The following HAUS8 variants were observed in gnomAD, a reference collection of about 807,000 sequenced individuals.
HAUS8 encodes the protein HAUS augmin like complex subunit 8.
A neutral mutation model predicts 42.9 loss-of-function variants in HAUS8; 38 were observed. The observed-to-expected ratio is 0.89, with a 90% CI of 0.68 to 1.16. The LOEUF is 1.16. HAUS8 is among the 50% of genes most tolerant of loss of function. The pLI, the probability that HAUS8 is intolerant of heterozygous loss-of-function variation, is 0.00. For synonymous variants in HAUS8, 199 were observed against 205.8 expected (o/e 0.97, Z 0.28); for missense variants, 494 against 511.6 (o/e 0.97, Z 0.33).
rs570528180 is a variant in HAUS8, at chr19:17,067,614, C to T, written c.147+1417G>A. Among the ~76,000 whole-genome samples, 12 of 152,168 alleles carry T rather than the reference C, an allele frequency of 7.9e-5. No homozygotes were observed. In the South Asian group the frequency reaches 1.2e-3, roughly 16 times the overall value. On this transcript the variant is annotated intron_variant, in intron 3 of 10. Coordinates refer to ENST00000253669, the MANE Select transcript of HAUS8 (RefSeq NM_033417.2). ...TAAAATGTTACAGCACGCAGACACA[C>T]GGGGGCGCTGTAACCAAGTCTTGGC...
rs1435502164 is a variant in HAUS8 at position 17,062,865 on chromosome 19, T to C, written c.148-86A>G. ...CTGATGCGGTCTGCACTGTGTTTCG[T>C]AACTGCTCTTACTTTGAGGCAGGGG... On this transcript the variant is annotated intron_variant, in intron 3 of 10. Transcript: ENST00000253669. 2.3e-5 allele frequency: 22 copies of C among 956,746 alleles called. No individual in the cohort carries two copies. In the East Asian group the frequency reaches 4.8e-4, roughly 21 times the overall value. The allele number at this position is 956,746 out of a possible 1,614,324, so 59.3% of individuals were successfully genotyped here. A position where few individuals can be genotyped will look rare whatever the true frequency, so the allele number is the denominator to read the frequency against.
chr19:17,053,140 C>G (rs779040414), intron 9 of HAUS8, 174 bp from the exon 10 acceptor site: 7 of 681,886 alleles, frequency 1.0e-5, no homozygotes, highest in Non-Finnish European at 1.7e-5. Flanking sequence ...TTATCCATCC[C>G]GTGCTCTGAG....
At chr19:17,052,519 A>G in intron 10 of HAUS8, 2 of 232,574 alleles carry the variant, frequency 8.6e-6, no homozygotes, top group East Asian at 1.2e-4. Context: ...TTGAGGTTGC[A>G]GTGAGCTGAG....
rs1235337491 is a variant in HAUS8 at position 17,053,068 on chromosome 19, T to TCGCGCTGGAACCGTGGAGAG, written c.788-122_788-103dup. The TCGCGCTGGAACCGTGGAGAG allele has an allele frequency of 1.1e-5, 16 of 1,414,758 alleles. No homozygotes were observed. The South Asian group carries it at 1.2e-4, about 11-fold the overall frequency. 87.6% of individuals were successfully genotyped at this position (1,414,758 alleles called of 1,614,324 possible). A position where few individuals can be genotyped will look rare whatever the true frequency, so the allele number is the denominator to read the frequency against. On this transcript the variant is annotated intron_variant, in intron 9 of 10. Coordinates refer to ENST00000253669, the MANE Select transcript of HAUS8 (RefSeq NM_033417.2). Reference sequence around the variant, plus strand: ...AGACTTCTGTCATGATGCTCGGCTATCGCGCTGGAACCGTGGAGAGCGCAC... The same window carrying TCGCGCTGGAACCGTGGAGAG: ...AGACTTCTGTCATGATGCTCGGCTATCGCGCTGGAACCGTGGAGAGCGCGCTGGAACCGTGGAGAGCGCAC...
In HAUS8 at chr19:17,057,770, C is replaced by A. The variant is rs75859957; in HGVS notation, c.645+779G>T. On this transcript the variant is annotated intron_variant, in intron 8 of 10. Transcript: ENST00000253669. ...CCAACTCCCAGTACCTTGGAATGTGCCCTTATTTGAAAAGAGGGACTTTAT... is the reference window on the plus strand; with the variant it reads ...CCAACTCCCAGTACCTTGGAATGTGACCTTATTTGAAAAGAGGGACTTTAT... Among the ~76,000 whole-genome samples, 29 of 152,212 alleles carry A rather than the reference C, an allele frequency of 1.9e-4. No individual in the cohort carries two copies. The East Asian group carries it at 5.4e-3, about 28-fold the overall frequency.
At chr19:17,060,903 T>C (rs1430723341) in intron 4 of HAUS8, among the ~76,000 whole-genome samples, 2 of 152,230 alleles carry the variant, frequency 1.3e-5, no homozygotes, top group African/African-American at 4.8e-5. Flanking sequence ...ACGTACGGTA[T>C]GTTGTGTTAG....
At chr19:17,066,825 G>A (rs1599986988) in intron 3 of HAUS8, among the ~76,000 whole-genome samples, 1 of 152,288 alleles carries the variant, frequency 6.6e-6, no homozygotes, top group African/African-American at 2.4e-5. Context: ...TAATCACCAA[G>A]ACAGGAAACC....
At chr19:17,072,338 C>CTTTTT (rs71180355) in intron 2 of HAUS8, among the ~76,000 whole-genome samples, 24 of 87,532 alleles carry the variant, frequency 2.7e-4, no homozygotes, top group Non-Finnish European at 3.3e-4. Context: ...CGAGCATTTC[C>CTTTTT]TTTTTTTTTT....
chr19:17,058,788 C>G lies in HAUS8; in HGVS notation c.486+23G>C, dbSNP rs370142491. 6 of 1,610,902 alleles carry G rather than the reference C, an allele frequency of 3.7e-6. No homozygotes were observed. In the Admixed American group the frequency reaches 8.4e-5, roughly 23 times the overall value. On this transcript the variant is annotated intron_variant, in intron 7 of 10. Coordinates refer to ENST00000253669, the MANE Select transcript of HAUS8 (RefSeq NM_033417.2). ...AGGCCACCCTTCCATCCATGGCATA[C>G]GTGAACAAGAAACTGTTTTCACCTT... is the stretch of plus-strand genomic sequence containing the variant.
chr19:17,070,868 G>C (rs1346282188), intron 2 of HAUS8, among the ~76,000 whole-genome samples: 1 of 152,140 alleles, frequency 6.6e-6, no homozygotes, highest in Admixed American at 6.5e-5. Context: ...TCAGGAGTTC[G>C]CGATCAGCCT....
At chr19:17,074,645 G>GCTC (rs2057454319) in intron 1 of HAUS8, 1 of 152,482 alleles carries the variant, frequency 6.6e-6, no homozygotes, top group Non-Finnish European at 1.5e-5. Context: ...GACCTGAGGG[G>GCTC]GGTCCCTACA....
At chr19:17,075,221 G>A in intron 1 of HAUS8, 173 bp downstream of exon 1, 1 of 701,458 alleles carries the variant, frequency 1.4e-6, no homozygotes, top group South Asian at 1.7e-5. Flanking sequence ...GGGTGTCAGC[G>A]CTCCGGAGCA....
chr19:17,069,244 G>A (rs1331743833), intron 2 of HAUS8, 158 bp from the exon 3 acceptor site: 10 of 677,864 alleles, frequency 1.5e-5, no homozygotes, highest in Admixed American at 4.5e-5. Context: ...CTCTGATCAC[G>A]TCCTTCGGCA....
chr19:17,072,050 A>G (rs2123385314), intron 2 of HAUS8, among the ~76,000 whole-genome samples: 1 of 152,334 alleles, frequency 6.6e-6, no homozygotes, highest in Non-Finnish European at 1.5e-5. Flanking sequence ...ATGAAGAAGG[A>G]TACAATTCTT....
At chr19:17,064,084 CTAGCAATGAAG>C (rs1346202838) in intron 3 of HAUS8, among the ~76,000 whole-genome samples, 3 of 152,208 alleles carry the variant, frequency 2.0e-5, no homozygotes, top group East Asian at 1.9e-4. Context: ...ATTCATATTT[CTAGCAATGAAG>C]TAGCAATGAA....
chr19:17,055,138 AAAAAAATATATATATATATATATATAT>A (rs1355608422), intron 9 of HAUS8: 14 of 29,616 alleles, frequency 4.7e-4, no homozygotes, highest in Non-Finnish European at 7.9e-4. Flanking sequence ...AAAAAAAAAA[AAAAAAATATATATATATATATATATAT>A]ATATATATAT....
chr19:17,073,444 G>T, intron 1 of HAUS8, 109 bp from the exon 2 acceptor site: 2 of 992,452 alleles, frequency 2.0e-6, no homozygotes, highest in Non-Finnish European at 3.2e-6. Context: ...TCCAAGGGCT[G>T]CCAGAGGACA....
chr19:17,068,262 C>T (rs919372679), intron 3 of HAUS8, among the ~76,000 whole-genome samples: 5 of 151,864 alleles, frequency 3.3e-5, no homozygotes, highest in Admixed American at 6.6e-5. Context: ...TACAGGTGCA[C>T]GCCACTGCAT....
At chr19:17,055,143 AATATATATATATATATATATATATAT>A (rs746719670) in intron 9 of HAUS8, 10 of 15,506 alleles carry the variant, frequency 6.4e-4, no homozygotes, top group African/African-American at 3.1e-3. Flanking sequence ...AAAAAAAAAA[AATATATATATATATATATATATATAT>A]ATATATATAT....
Sources: allele counts gnomAD v4.1 joint callset (sites outside exome capture counted in the v4.1 genomes callset), GRCh38; gene constraint gnomAD v4.1.1; transcripts MANE v1.5; gene names NCBI Gene and HGNC (gene_info 2026-07-23, HGNC 2026-07-21).